ANO4: variants seen among roughly 807,000 people sequenced by gnomAD.
ANO4 encodes anoctamin-4.
In ANO4, 69 loss-of-function variants were observed where a neutral mutation model predicts 141.9. The observed-to-expected ratio is 0.49, with a 90% confidence interval of 0.40 to 0.59. ANO4 has a LOEUF of 0.59. ANO4 is among the 20% of genes least tolerant of loss of function. The probability of loss-of-function intolerance (pLI) is 0.00; values close to 1 mark genes in which losing one functional copy is unlikely to be tolerated. For missense variants in ANO4, 894 were observed against 1,162.2 expected, an observed-to-expected ratio of 0.77 and a Z score of 3.36; for synonymous variants, 350 against 394.3, an observed-to-expected ratio of 0.89 and a Z score of 1.33.
At position 100,872,492 on chromosome 12, in the gene ANO4, T is replaced by C. The variant is rs983530351; in HGVS notation, c.-140-29154T>C. 8.5e-5 allele frequency among the ~76,000 whole-genome samples: 13 copies of C among 152,330 alleles called. 1 individual carries two copies. Among genetic ancestry groups the C allele is most frequent in the Admixed American group, 1.3e-4 (2 of 15,300 alleles). ...CCAGTTGCATTTCATTTTATGAAGC[T>C]AAGTGATTATGATGATTAGCTATGG... On this transcript the variant is annotated intron_variant, in intron 1 of 27. Transcript: ENST00000392977.
intron 14 of ANO4, among the ~76,000 whole-genome samples, chr12:101,069,711 A>G (rs2136789227): frequency 6.6e-6 from 1 of 152,304 alleles, no homozygotes; most frequent in Admixed American, 6.5e-5. Context: ...CCTGGTAGTC[A>G]TCTGGTGTTT....
chr12:100,905,907 G>A lies in ANO4; in HGVS notation c.55+4067G>A, dbSNP rs1321955332. Among the ~76,000 whole-genome samples, 7 of 152,128 alleles carry A rather than the reference G, an allele frequency of 4.6e-5. 1 individual carries two copies. The highest frequency in any genetic ancestry group is 1.7e-4 in the African/African-American group (7 of 41,432). ...GTATATAATGGCAGGTGTGCTGAGG[G>A]TCTAATAAGTTCTTTTCCTATGTTG... is the stretch of plus-strand genomic sequence containing the variant. On this transcript the variant is annotated intron_variant, in intron 2 of 27. Transcript: ENST00000392977.
At chr12:100,787,338 CTGTG>C (rs2033905546) in intron 3 of ANO4, among the ~76,000 whole-genome samples, 4 of 152,194 alleles carry the variant, frequency 2.6e-5, no homozygotes, top group Non-Finnish European at 5.9e-5. Flanking sequence ...TGGAAAAAGC[CTGTG>C]CCAGGACCCT....
chr12:100,967,460 G>T (rs1334047933), intron 5 of ANO4, among the ~76,000 whole-genome samples: 1 of 152,002 alleles, frequency 6.6e-6, no homozygotes, highest in Non-Finnish European at 1.5e-5. Context: ...CTGAAGTTCA[G>T]AAGGCATTCA....
At position 100,885,986 on chromosome 12, in the gene ANO4, T is replaced by G. The variant is rs541698202; in HGVS notation, c.-140-15660T>G. Reference sequence around the variant, plus strand: ...GAAATATTCCATCCGTGTTCTTATTTCTATTACTGTCTTTAGATCCGAAGT... The same window carrying G: ...GAAATATTCCATCCGTGTTCTTATTGCTATTACTGTCTTTAGATCCGAAGT... On this transcript the variant is annotated intron_variant, in intron 1 of 27. Coordinates refer to ENST00000392977, the MANE Select transcript of ANO4 (RefSeq NM_001286615.2). Among the ~76,000 whole-genome samples the G allele has an allele frequency of 2.4e-3, 360 of 152,328 alleles. 3 individuals carry two copies. The highest frequency in any genetic ancestry group is 8.0e-3 in the African/African-American group (331 of 41,560).
intron 2 of ANO4, chr12:100,739,755 T>C (rs2031781153): frequency 9.1e-6 from 6 of 656,686 alleles, no homozygotes; most frequent in South Asian, 8.5e-5. Context: ...TCAAATGGTA[T>C]TTGGTTTGAC....
In ANO4 at chr12:100,987,464, C is replaced by A. The variant is rs1160876588; in HGVS notation, c.603-75C>A. On this transcript the variant is annotated intron_variant, in intron 7 of 27. Coordinates refer to ENST00000392977, the MANE Select transcript of ANO4 (RefSeq NM_001286615.2). Reference sequence around the variant, plus strand: ...GTGTGGTATGATAGTTGTGGCTCTGCGGAGACCTTCCTCCTGTGTTTCAGG... The same window carrying A: ...GTGTGGTATGATAGTTGTGGCTCTGAGGAGACCTTCCTCCTGTGTTTCAGG... The A allele has an allele frequency of 2.1e-5, 33 of 1,556,592 alleles. No individual in the cohort carries two copies. The East Asian group carries it at 7.4e-4, about 35-fold the overall frequency.
At chr12:100,828,566 T>C (rs2036481230) in intron 1 of ANO4, among the ~76,000 whole-genome samples, 1 of 152,088 alleles carries the variant, frequency 6.6e-6, no homozygotes, top group Admixed American at 6.6e-5. Flanking sequence ...CATGCCACTT[T>C]AGGAAAATAA....
chr12:100,796,091 CA>C (rs1159397614), intron 1 of ANO4, among the ~76,000 whole-genome samples: 1 of 146,346 alleles, frequency 6.8e-6, no homozygotes, highest in African/African-American at 2.5e-5. Flanking sequence ...GTCAAAGCAT[CA>C]TTCCAAAGAA....
chr12:100,991,867 G>A (rs78540315), intron 8 of ANO4, among the ~76,000 whole-genome samples: 6,259 of 152,200 alleles, frequency 0.041, 209 homozygotes, highest in East Asian at 0.11. Context: ...TGTGAAGTCA[G>A]CTGACTGCAC....
At chr12:101,089,468 A>AC (rs571498873) in intron 17 of ANO4, among the ~76,000 whole-genome samples, 1,600 of 151,610 alleles carry the variant, frequency 0.011, 27 homozygotes, top group Middle Eastern at 0.017. Context: ...CCCCCTTTTG[A>AC]CCCCCCACCA....
At chr12:101,104,808 A>T (rs1232121257) in intron 22 of ANO4, among the ~76,000 whole-genome samples, 1 of 151,504 alleles carries the variant, frequency 6.6e-6, no homozygotes, top group Non-Finnish European at 1.5e-5. Context: ...TGTGTTTTTC[A>T]AATCTTCTAA....
chr12:100,836,789 A>G (rs1003146984), intron 1 of ANO4, among the ~76,000 whole-genome samples: 3 of 152,174 alleles, frequency 2.0e-5, no homozygotes, highest in African/African-American at 7.2e-5. Context: ...GAAGAGATGC[A>G]TACAAGAATG....
chr12:100,960,663 A>G (rs11110597), intron 5 of ANO4, among the ~76,000 whole-genome samples: 1 of 151,958 alleles, frequency 6.6e-6, no homozygotes, highest in Non-Finnish European at 1.5e-5. Context: ...TTGCTTCCTC[A>G]CTAGCAGAAG....
chr12:101,052,695 A>G (rs1197860263), intron 14 of ANO4, among the ~76,000 whole-genome samples: 1 of 152,206 alleles, frequency 6.6e-6, no homozygotes, highest in African/African-American at 2.4e-5. Context: ...GTTTCTAGAT[A>G]TTTATGCTAA....
intron 24 of ANO4, 135 bp from the exon 25 acceptor site, chr12:101,116,544 G>C (rs1210328718): frequency 1.4e-5 from 18 of 1,266,142 alleles, no homozygotes; most frequent in Non-Finnish European, 2.0e-5. Context: ...ATCCCAACCT[G>C]AGTCCTGGTT....
chr12:100,853,770 G>A (rs958089675), intron 1 of ANO4, among the ~76,000 whole-genome samples: 1 of 152,086 alleles, frequency 6.6e-6, no homozygotes. Flanking sequence ...AAGGCTAAAG[G>A]TAGTATCTCT....
At chr12:100,745,510 A>G (rs764056795) in intron 3 of ANO4, among the ~76,000 whole-genome samples, 1 of 152,202 alleles carries the variant, frequency 6.6e-6, no homozygotes, top group Admixed American at 6.5e-5. Context: ...TTGGCATGTA[A>G]GAAGTATGTT....
intron 11 of ANO4, among the ~76,000 whole-genome samples, chr12:101,042,124 G>A (rs2047432635): frequency 6.6e-6 from 1 of 152,112 alleles, no homozygotes; most frequent in South Asian, 2.1e-4. Context: ...TTATTTTATG[G>A]AAGGGCTAAT....
Sources: gnomAD v4.1 joint callset for allele counts (sites outside exome capture counted in the v4.1 genomes callset) on GRCh38, gnomAD v4.1.1 for gene constraint, MANE v1.5 for transcripts, NCBI Gene and HGNC (gene_info 2026-07-23, HGNC 2026-07-21) for gene names.